Variants in MAF observed in about 807,000 individuals in gnomAD.
The protein encoded by MAF is transcription factor Maf.
Under a neutral mutation model 22.0 loss-of-function variants are expected in MAF, and 10 were observed. The observed-to-expected ratio is 0.45, with a 90% CI of 0.28 to 0.77. The LOEUF (loss-of-function observed/expected upper bound fraction) is 0.77, where lower values mean the gene tolerates loss of function less well. Ranked by LOEUF, MAF falls within the 30% of genes least tolerant of loss-of-function variation. MAF has a pLI of 0.12. For missense variants in MAF, 544 were observed against 548.4 expected, an observed-to-expected ratio of 0.99 and a Z score of 0.08; for synonymous variants, 337 against 255.8, an observed-to-expected ratio of 1.32 and a Z score of -3.03.
chr16:79,597,689 C>G (rs1014925091), intron 1 of MAF: 4 of 1,018,412 alleles, frequency 3.9e-6, no homozygotes, highest in Non-Finnish European at 4.7e-6. Flanking sequence ...AGTCATGAGG[C>G]AATAAAACAA....
At chr16:79,415,803 G>A in the MAF span, among the ~76,000 whole-genome samples, 21 of 151,716 alleles carry the variant, frequency 1.4e-4, no homozygotes, top group Non-Finnish European at 2.4e-4. Context: ...TAAAAATCCC[G>A]GAGCCTCAGC....
the MAF span, among the ~76,000 whole-genome samples, chr16:79,337,763 G>T: frequency 2.0e-5 from 3 of 152,258 alleles, no homozygotes; most frequent in East Asian, 3.9e-4. Context: ...CATAGTGGCA[G>T]GATCACAGAA....
At chr16:79,211,837 T>C in the MAF span, 8 of 1,612,582 alleles carry the variant, frequency 5.0e-6, no homozygotes, top group Non-Finnish European at 6.8e-6. Flanking sequence ...CCGCCCTGTG[T>C]GTGTCCCCTC....
the MAF span, among the ~76,000 whole-genome samples, chr16:79,437,374 G>A: frequency 6.6e-6 from 1 of 152,300 alleles, no homozygotes; most frequent in Non-Finnish European, 1.5e-5. Context: ...GAGAACCCCA[G>A]GCTGCACAAC....
the MAF span, among the ~76,000 whole-genome samples, chr16:79,557,730 T>C: frequency 6.6e-6 from 1 of 152,040 alleles, no homozygotes; most frequent in African/African-American, 2.4e-5. Flanking sequence ...TCATGTGCAA[T>C]TTTTCATTTA....
At chr16:79,222,940 G>C in the MAF span, among the ~76,000 whole-genome samples, 1 of 152,156 alleles carries the variant, frequency 6.6e-6, no homozygotes, top group East Asian at 1.9e-4. Context: ...ACACTCCACT[G>C]TCAATATTAG....
the MAF span, among the ~76,000 whole-genome samples, chr16:79,515,345 T>A: frequency 3.3e-5 from 5 of 152,216 alleles, no homozygotes; most frequent in East Asian, 9.6e-4. Flanking sequence ...TTTACTACGG[T>A]GTGAAAGTGA....
At chr16:79,581,924 G>A (rs74315882), downstream of MAF, among the ~76,000 whole-genome samples, 19 of 152,326 alleles carry the variant, frequency 1.2e-4, 1 homozygote, top group East Asian at 3.1e-3. Flanking sequence ...TTCCCACTGA[G>A]TACCTGACAC....
In MAF at chr16:79,599,233, C is replaced by T. The variant is rs997076965; in HGVS notation, c.670G>A (p.Ala224Thr). The T allele has an allele frequency of 2.0e-6, 2 of 978,520 alleles. No individual in the cohort carries two copies. Among genetic ancestry groups the T allele is most frequent in the Non-Finnish European group, 2.4e-6 (2 of 827,236 alleles). The allele number at this position is 978,520 out of a possible 1,614,324, so 60.6% of individuals were successfully genotyped here. The change falls in exon 1 of 2, where the codon GCT becomes ACT. Residue 224 changes from alanine to threonine, a missense_variant. Ala to Thr is a moderately conservative substitution (Grantham distance 58). Coordinates refer to ENST00000326043, the MANE Select transcript of MAF (RefSeq NM_005360.5). ...CCGCCGCCGCCGCCGCCGCCCCCAG[C>T]GCTGGCCGGGCCACCGCCGCCCGCG... ...GGAGGGGPAS[A>T]GGGGGGGGGG...
At chr16:79,317,274 C>CTCCT in the MAF span, among the ~76,000 whole-genome samples, 8 of 136,150 alleles carry the variant, frequency 5.9e-5, no homozygotes, top group Non-Finnish European at 9.4e-5. Context: ...CCTTCCCTCC[C>CTCCT]TCCTTCCTTC....
chr16:79,407,232 G>T, the MAF span, among the ~76,000 whole-genome samples: 1 of 152,270 alleles, frequency 6.6e-6, no homozygotes, highest in East Asian at 1.9e-4. Context: ...GACGCGTTGC[G>T]CAAGGAGTGC....
At chr16:79,591,886 A>G (rs1490830764), downstream of MAF, among the ~76,000 whole-genome samples, 2 of 152,216 alleles carry the variant, frequency 1.3e-5, no homozygotes, top group Non-Finnish European at 2.9e-5. Flanking sequence ...CTCAAATGTT[A>G]AGACATTAAC....
the MAF span, chr16:79,211,716 C>T: frequency 2.5e-6 from 4 of 1,614,118 alleles, no homozygotes; most frequent in Non-Finnish European, 3.4e-6. Context: ...ACCAGAAGCT[C>T]AGAGCGAAGA....
chr16:79,335,851 G>A, the MAF span, among the ~76,000 whole-genome samples: 1 of 152,200 alleles, frequency 6.6e-6, no homozygotes, highest in African/African-American at 2.4e-5. Flanking sequence ...GGGACAAGAG[G>A]CAGGGGCGAA....
chr16:79,576,443 T>C, the MAF span, among the ~76,000 whole-genome samples: 1 of 152,116 alleles, frequency 6.6e-6, no homozygotes, highest in Non-Finnish European at 1.5e-5. Flanking sequence ...CTGAGGCGGA[T>C]GATAGCAAGA....
At chr16:79,252,198 T>C in the MAF span, among the ~76,000 whole-genome samples, 580 of 152,206 alleles carry the variant, frequency 3.8e-3, 4 homozygotes, top group South Asian at 9.8e-3. Flanking sequence ...GTACGACCCA[T>C]GTCGCAACTA....
chr16:79,551,396 C>G, the MAF span, among the ~76,000 whole-genome samples: 1 of 152,178 alleles, frequency 6.6e-6, no homozygotes, highest in Non-Finnish European at 1.5e-5. Context: ...ATGGCAGAAG[C>G]GCATGCCCTG....
chr16:79,595,901 G>A, intron 1 of MAF: 1 of 1,057,712 alleles, frequency 9.5e-7, no homozygotes, highest in Non-Finnish European at 1.1e-6. Context: ...TCCTATTTAA[G>A]ACAAATGATC....
chr16:79,313,595 G>C, the MAF span, among the ~76,000 whole-genome samples: 1 of 152,062 alleles, frequency 6.6e-6, no homozygotes, highest in Admixed American at 6.5e-5. Context: ...TCCTTGGTGG[G>C]GCCACAATTT....
Sources: allele counts gnomAD v4.1 joint callset (sites outside exome capture counted in the v4.1 genomes callset), GRCh38; gene constraint gnomAD v4.1.1; transcripts MANE v1.5; gene names NCBI Gene and HGNC (gene_info 2026-07-23, HGNC 2026-07-21).